The following TANK variants were observed in gnomAD, a reference collection of about 807,000 sequenced individuals.
The protein encoded by TANK is TRAF family member associated NFKB activator, also known as TRAF family member-associated NF-kappa-B activator.
Under a neutral mutation model 43.6 loss-of-function variants are expected in TANK, and 15 were observed. The ratio of observed to expected loss-of-function variants is 0.34; its 90% CI spans 0.23 to 0.53. The LOEUF is 0.53. Ranked by LOEUF, TANK falls within the 20% of genes least tolerant of loss-of-function variation. TANK has a pLI of 0.94. For missense variants in TANK, 417 were observed against 498.6 expected (o/e 0.84, Z 1.56); for synonymous variants, 162 against 178.2 (o/e 0.91, Z 0.73).
At chr2:161,226,121 T>G (rs534381552) in intron 6 of TANK, among the ~76,000 whole-genome samples, 1 of 152,146 alleles carries the variant, frequency 6.6e-6, no homozygotes, top group Non-Finnish European at 1.5e-5. Flanking sequence ...ATCAACATCT[T>G]TTCAAGGCAT....
Position 161,160,435 on chromosome 2 carries a change from C to G in TANK, c.-101C>G. The G allele has an allele frequency of 8.1e-7, 1 of 1,240,182 alleles. No individual in the cohort carries two copies. Among genetic ancestry groups the G allele is most frequent in the Non-Finnish European group, 1.0e-6 (1 of 991,954 alleles). The allele number at this position is 1,240,182 out of a possible 1,614,324, so 76.8% of individuals were successfully genotyped here. Reference sequence around the variant, plus strand: ...CAACTTCCGGTTGGAGTCACTCGGCCAGGCGCCGGCGACCTGAGGGGAGAG... The same window carrying G: ...CAACTTCCGGTTGGAGTCACTCGGCGAGGCGCCGGCGACCTGAGGGGAGAG... On this transcript the variant is annotated 5_prime_UTR_variant, in exon 1 of 8. Coordinates refer to ENST00000392749, the MANE Select transcript of TANK (RefSeq NM_001199135.3).
chr2:161,205,576 A>T (rs1347414625), intron 4 of TANK, among the ~76,000 whole-genome samples: 1 of 152,194 alleles, frequency 6.6e-6, no homozygotes, highest in Non-Finnish European at 1.5e-5. Context: ...CATATCTGCA[A>T]GGAGACATAT....
intron 2 of TANK, among the ~76,000 whole-genome samples, chr2:161,193,252 CTT>C (rs1685999619): frequency 6.6e-6 from 1 of 152,196 alleles, no homozygotes; most frequent in Non-Finnish European, 1.5e-5. Flanking sequence ...GTAGAGGAAT[CTT>C]TTAATCACAA....
intron 4 of TANK, among the ~76,000 whole-genome samples, chr2:161,217,810 G>C (rs1687185416): frequency 6.6e-6 from 1 of 152,012 alleles, no homozygotes. Flanking sequence ...CCAGTTATAA[G>C]AGAACAGACA....
At chr2:161,200,633 A>G in intron 2 of TANK, 1 of 773,580 alleles carries the variant, frequency 1.3e-6, no homozygotes, top group Non-Finnish European at 1.6e-6. Context: ...TTCAAACATT[A>G]CCTATCTTTT....
At chr2:161,184,836 A>G (rs1685585499) in intron 2 of TANK, among the ~76,000 whole-genome samples, 1 of 152,214 alleles carries the variant, frequency 6.6e-6, no homozygotes, top group Non-Finnish European at 1.5e-5. Flanking sequence ...TTATAGGTGA[A>G]AATGCCAATG....
intron 4 of TANK, chr2:161,212,719 C>T: frequency 2.0e-6 from 2 of 985,258 alleles, no homozygotes; most frequent in Non-Finnish European, 2.4e-6. Context: ...CTTCAAAGCA[C>T]ACAGAATAGA....
At chr2:161,198,019 C>G (rs570272842) in intron 2 of TANK, among the ~76,000 whole-genome samples, 1 of 152,126 alleles carries the variant, frequency 6.6e-6, no homozygotes, top group African/African-American at 2.4e-5. Flanking sequence ...ACTTTAAAAT[C>G]TAAAGTTTCA....
At chr2:161,192,550 C>A (rs1434010884) in intron 2 of TANK, among the ~76,000 whole-genome samples, 1 of 152,094 alleles carries the variant, frequency 6.6e-6, no homozygotes, top group East Asian at 1.9e-4. Flanking sequence ...TTTAGAACCT[C>A]TAGTCTTAAA....
At chr2:161,192,913 CT>C (rs1454693626) in intron 2 of TANK, among the ~76,000 whole-genome samples, 1 of 152,164 alleles carries the variant, frequency 6.6e-6, no homozygotes, top group African/African-American at 2.4e-5. Context: ...ACTAACCTAG[CT>C]AAGTCATAGC....
chr2:161,189,183 A>G (rs897343296), intron 2 of TANK, among the ~76,000 whole-genome samples: 3 of 152,230 alleles, frequency 2.0e-5, no homozygotes, highest in Non-Finnish European at 4.4e-5. Flanking sequence ...AAAGAATTAC[A>G]TATCATGACA....
intron 4 of TANK, chr2:161,207,447 A>G: frequency 4.1e-6 from 4 of 981,844 alleles, no homozygotes; most frequent in Non-Finnish European, 4.8e-6. Flanking sequence ...AATAAAAATT[A>G]ACTGTCTTGC....
chr2:161,157,885 T>C (rs143753211), upstream of TANK, among the ~76,000 whole-genome samples: 2,338 of 152,308 alleles, frequency 0.015, 28 homozygotes, highest in Non-Finnish European at 0.026. Context: ...GTTTTCACCA[T>C]GTTGGCCAGG....
At chr2:161,222,422 C>T (rs1330072318) in intron 4 of TANK, among the ~76,000 whole-genome samples, 1 of 151,764 alleles carries the variant, frequency 6.6e-6, no homozygotes, top group Non-Finnish European at 1.5e-5. Flanking sequence ...CTTAATATAC[C>T]TCTTCTCTGA....
chr2:161,179,221 T>A (rs527393818), intron 1 of TANK, among the ~76,000 whole-genome samples: 2 of 152,166 alleles, frequency 1.3e-5, no homozygotes, highest in African/African-American at 4.8e-5. Context: ...TAGCAAGAAT[T>A]CACCTCATAA....
At chr2:161,232,399 T>A (rs1687957942) in intron 7 of TANK, among the ~76,000 whole-genome samples, 1 of 152,212 alleles carries the variant, frequency 6.6e-6, no homozygotes, top group Admixed American at 6.5e-5. Context: ...TTTAATTTTT[T>A]TAAAAAAGTT....
upstream of TANK, chr2:161,159,140 C>T (rs1380758368): frequency 6.6e-6 from 1 of 152,180 alleles, no homozygotes; most frequent in Non-Finnish European, 1.5e-5. Flanking sequence ...TTGGCAATTG[C>T]TTACAAAACT....
chr2:161,149,722 G>A (rs749812352), intron 1 of TANK, among the ~76,000 whole-genome samples: 5 of 146,462 alleles, frequency 3.4e-5, no homozygotes, highest in Non-Finnish European at 6.0e-5. Context: ...GCCTTTTTGC[G>A]TCAGTGGAGA....
intron 1 of TANK, chr2:161,161,648 A>G (rs190382809): frequency 0.018 from 10,138 of 548,150 alleles, 126 homozygotes; most frequent in Non-Finnish European, 0.024. Flanking sequence ...TTCAGATTAA[A>G]TATATATATA....
Sources: allele counts gnomAD v4.1 joint callset (sites outside exome capture counted in the v4.1 genomes callset), GRCh38; gene constraint gnomAD v4.1.1; transcripts MANE v1.5; gene names NCBI Gene and HGNC (gene_info 2026-07-23, HGNC 2026-07-21).